Variants in PRR16 observed in about 807,000 individuals in gnomAD.
PRR16 encodes the protein protein Largen.
Under a neutral mutation model 18.2 loss-of-function variants are expected in PRR16, and 6 were observed. The observed-to-expected ratio is 0.33, with a 90% CI of 0.18 to 0.65. The LOEUF (loss-of-function observed/expected upper bound fraction) is 0.65. Ranked by LOEUF, PRR16 falls within the 30% of genes least tolerant of loss-of-function variation. PRR16 has a pLI of 0.74. For missense variants in PRR16, 412 were observed against 376.6 expected, an observed-to-expected ratio of 1.09 and a Z score of -0.78; for synonymous variants, 151 against 147.8, an observed-to-expected ratio of 1.02 and a Z score of -0.16.
At chr5:120,522,438 T>A (rs1751215226) in intron 1 of PRR16, among the ~76,000 whole-genome samples, 1 of 152,272 alleles carries the variant, frequency 6.6e-6, no homozygotes, top group Non-Finnish European at 1.5e-5. Flanking sequence ...ATCAGCATTT[T>A]TTCATGTGTC....
chr5:120,756,621 C>G, the PRR16 span, among the ~76,000 whole-genome samples: 1,125 of 151,808 alleles, frequency 7.4e-3, 20 homozygotes, highest in African/African-American at 0.026. Flanking sequence ...ATGTCTTTTG[C>G]CCATTTTTTT....
At chr5:120,697,802 C>G in the PRR16 span, among the ~76,000 whole-genome samples, 1 of 152,066 alleles carries the variant, frequency 6.6e-6, no homozygotes. Flanking sequence ...AGGAAAAGGA[C>G]TTTCACAAGG....
At chr5:120,787,882 G>C in the PRR16 span, among the ~76,000 whole-genome samples, 1 of 151,782 alleles carries the variant, frequency 6.6e-6, no homozygotes. Flanking sequence ...TAGTATAAAA[G>C]GACACCCTGT....
At chr5:120,691,361 G>A (rs1409698038), downstream of PRR16, among the ~76,000 whole-genome samples, 3 of 152,150 alleles carry the variant, frequency 2.0e-5, no homozygotes, top group Non-Finnish European at 4.4e-5. Flanking sequence ...GAATATGAAA[G>A]GGATTTCAGG....
At chr5:120,494,323 C>T (rs546485792) in intron 1 of PRR16, among the ~76,000 whole-genome samples, 1 of 152,050 alleles carries the variant, frequency 6.6e-6, no homozygotes. Context: ...GTACACATAG[C>T]GTCTCTGGGT....
intron 1 of PRR16, among the ~76,000 whole-genome samples, chr5:120,472,639 C>T (rs1003981396): frequency 1.3e-5 from 2 of 151,680 alleles, no homozygotes; most frequent in African/African-American, 2.4e-5. Context: ...GGTTTGGCTC[C>T]ATAATTTTCA....
chr5:120,561,382 TTCATGAG>T (rs1374585940), intron 1 of PRR16, among the ~76,000 whole-genome samples: 13 of 152,292 alleles, frequency 8.5e-5, no homozygotes, highest in Admixed American at 6.5e-5. Context: ...TCACTGGTCA[TTCATGAG>T]TGTATTGTTT....
At chr5:120,769,051 G>T in the PRR16 span, among the ~76,000 whole-genome samples, 2 of 150,942 alleles carry the variant, frequency 1.3e-5, no homozygotes, top group Non-Finnish European at 3.0e-5. Context: ...ATACTTCTCA[G>T]TGTCCTCAAA....
At chr5:120,719,420 A>G in the PRR16 span, among the ~76,000 whole-genome samples, 1 of 151,984 alleles carries the variant, frequency 6.6e-6, no homozygotes, top group African/African-American at 2.4e-5. Flanking sequence ...CAATAAATTA[A>G]CTTCATCAAG....
intron 1 of PRR16, among the ~76,000 whole-genome samples, chr5:120,510,687 C>T (rs1457725257): frequency 2.0e-5 from 3 of 152,140 alleles, no homozygotes; most frequent in East Asian, 3.8e-4. Flanking sequence ...TAAATGACTT[C>T]TATTTACCAT....
At chr5:120,566,187 G>A (rs1033578421) in intron 1 of PRR16, among the ~76,000 whole-genome samples, 27 of 152,114 alleles carry the variant, frequency 1.8e-4, no homozygotes, top group Non-Finnish European at 4.0e-4. Context: ...TTTTCTGTCT[G>A]TTCAGTGTGC....
intron 1 of PRR16, among the ~76,000 whole-genome samples, chr5:120,668,068 A>C (rs141983351): frequency 6.6e-6 from 1 of 152,078 alleles, no homozygotes; most frequent in Non-Finnish European, 1.5e-5. Flanking sequence ...AAAGTCTCCC[A>C]CTATTATTGT....
At chr5:120,660,727 A>G (rs74868391) in intron 1 of PRR16, among the ~76,000 whole-genome samples, 8,814 of 152,072 alleles carry the variant, frequency 0.058, 308 homozygotes, top group South Asian at 0.084. Context: ...CTTTTACTAT[A>G]TAGGCACTCA....
intron 1 of PRR16, among the ~76,000 whole-genome samples, chr5:120,496,393 G>T (rs1750246559): frequency 6.6e-6 from 1 of 152,060 alleles, no homozygotes; most frequent in Non-Finnish European, 1.5e-5. Flanking sequence ...AATGGTTATA[G>T]AGTTATTCAA....
chr5:120,534,579 T>A (rs1190837371), intron 1 of PRR16, among the ~76,000 whole-genome samples: 3 of 152,196 alleles, frequency 2.0e-5, no homozygotes, highest in Non-Finnish European at 2.9e-5. Context: ...GAATTATGAA[T>A]CTATCTGTAC....
intron 1 of PRR16, among the ~76,000 whole-genome samples, chr5:120,482,021 A>C (rs186371696): frequency 6.6e-6 from 1 of 152,050 alleles, no homozygotes; most frequent in Admixed American, 6.6e-5. Flanking sequence ...AATTACTCCC[A>C]TGCTAAATTA....
chr5:120,543,192 T>A (rs1316946937), intron 1 of PRR16, among the ~76,000 whole-genome samples: 1 of 152,162 alleles, frequency 6.6e-6, no homozygotes, highest in Non-Finnish European at 1.5e-5. Context: ...GCTTTTCCTA[T>A]ATTGTAAAAT....
intron 1 of PRR16, among the ~76,000 whole-genome samples, chr5:120,603,410 A>G (rs959889308): frequency 3.3e-5 from 5 of 151,780 alleles, no homozygotes; most frequent in African/African-American, 1.2e-4. Flanking sequence ...TGTTAATGTC[A>G]CCTTTGCCAT....
At position 120,686,497 on chromosome 5, in the gene PRR16, A is replaced by G. The variant is rs769360613; in HGVS notation, c.703A>G (p.Ser235Gly). ...NIKNREVHLHSEPVHPPGKIP... is the reference protein window; with the variant it reads ...NIKNREVHLHGEPVHPPGKIP... ...AAAAAACAGGGAGGTCCACTTACAC[A>G]GTGAACCTGTCCACCCACCGGGAAA... Residue 235 changes from serine to glycine, a missense_variant, in exon 2 of 2, where the codon AGT becomes GGT. Transcript: ENST00000407149. The G allele has an allele frequency of 6.2e-7, 1 of 1,614,032 alleles. No homozygotes were observed. The highest frequency in any genetic ancestry group is 8.5e-7 in the Non-Finnish European group (1 of 1,179,964).
Sources: gnomAD v4.1 joint callset for allele counts (sites outside exome capture counted in the v4.1 genomes callset) on GRCh38, gnomAD v4.1.1 for gene constraint, MANE v1.5 for transcripts, NCBI Gene and HGNC (gene_info 2026-07-23, HGNC 2026-07-21) for gene names.